PEAK1: variants seen among roughly 807,000 people sequenced by gnomAD.
PEAK1 encodes the protein pseudopodium enriched atypical kinase 1, also known as inactive tyrosine-protein kinase PEAK1.
A neutral mutation model predicts 124.7 loss-of-function variants in PEAK1; 54 were observed. That is an observed-to-expected ratio of 0.43 (90% confidence interval 0.35 to 0.54). PEAK1 has a LOEUF of 0.54. PEAK1 is among the 20% of genes least tolerant of loss of function. The pLI is 0.01. For missense variants in PEAK1, 2,046 were observed against 2,134.5 expected, an observed-to-expected ratio of 0.96 and a Z score of 0.82; for synonymous variants, 719 against 760.0, an observed-to-expected ratio of 0.95 and a Z score of 0.89.
At chr15:77,252,183 G>C (rs904973997) in intron 6 of PEAK1, among the ~76,000 whole-genome samples, 184 bp downstream of exon 6, 1 of 152,108 alleles carries the variant, frequency 6.6e-6, no homozygotes, top group Non-Finnish European at 1.5e-5. Flanking sequence ...TTTATAACTA[G>C]GGGAAAAAAT....
intron 2 of PEAK1, among the ~76,000 whole-genome samples, chr15:77,351,286 G>A (rs143662133): frequency 6.6e-6 from 1 of 152,308 alleles, no homozygotes; most frequent in African/African-American, 2.4e-5. Context: ...GGATGTGACA[G>A]ACCCACAGCC....
chr15:77,243,219 A>G (rs2060435216), intron 6 of PEAK1, among the ~76,000 whole-genome samples: 1 of 152,242 alleles, frequency 6.6e-6, no homozygotes. Context: ...CAAATATACT[A>G]AAGCAGGAGC....
chr15:77,203,245 G>A (rs1365684693), intron 6 of PEAK1, among the ~76,000 whole-genome samples: 2 of 151,894 alleles, frequency 1.3e-5, no homozygotes, highest in East Asian at 3.9e-4. Context: ...GGCACTCACA[G>A]CATAACTTTT....
At position 77,179,463 on chromosome 15, in the gene PEAK1, TAA is replaced by T; in HGVS notation, c.2462_2463del (p.Phe821TyrfsTer5). 1.9e-6 allele frequency: 3 copies of T among 1,614,096 alleles called. No homozygotes were observed. The highest frequency in any genetic ancestry group is 2.5e-6 in the Non-Finnish European group (3 of 1,180,012). On this transcript the variant is annotated frameshift_variant, in exon 7 of 10. Coordinates refer to ENST00000682557, the MANE Select transcript of PEAK1 (RefSeq NM_001385026.1). LOFTEE classifies it high-confidence loss of function. ...KSTPVRPKSLFTSQPSGEAEA... is the reference protein window; with the variant it reads ...KSTPVRPKSLXTSQPSGEAEA... ...TCAGCCTCACCACTAGGCTGAGATG[TAA>T]AGAGAGATTTGGGCCGGACTGGCGT...
intron 2 of PEAK1, among the ~76,000 whole-genome samples, chr15:77,288,655 C>T (rs926571415): frequency 6.6e-6 from 1 of 152,114 alleles, no homozygotes; most frequent in African/African-American, 2.4e-5. Flanking sequence ...AAAAGTATTT[C>T]AATGAGGCTG....
At chr15:77,325,381 CTG>C in intron 2 of PEAK1, among the ~76,000 whole-genome samples, 1 of 151,712 alleles carries the variant, frequency 6.6e-6, no homozygotes, top group Non-Finnish European at 1.5e-5. Flanking sequence ...GCACTCCAGT[CTG>C]TGTGACAGAG....
At chr15:77,360,135 TC>T (rs777588647) in intron 2 of PEAK1, among the ~76,000 whole-genome samples, 2 of 152,198 alleles carry the variant, frequency 1.3e-5, no homozygotes, top group Non-Finnish European at 2.9e-5. Flanking sequence ...CAATTTGTTT[TC>T]TTTAAGGGTG....
chr15:77,263,647 T>A (rs1448615015), intron 5 of PEAK1, among the ~76,000 whole-genome samples: 2 of 152,144 alleles, frequency 1.3e-5, no homozygotes, highest in Non-Finnish European at 2.9e-5. Context: ...CAGGACCAGA[T>A]GGATTCACAG....
chr15:77,413,443 T>C (rs2072579214), intron 1 of PEAK1, among the ~76,000 whole-genome samples: 1 of 152,184 alleles, frequency 6.6e-6, no homozygotes, highest in South Asian at 2.1e-4. Flanking sequence ...GCACCTCCTG[T>C]ATGAAATAAT....
intron 8 of PEAK1, among the ~76,000 whole-genome samples, chr15:77,149,392 A>G (rs1429259943): frequency 6.6e-6 from 1 of 152,238 alleles, no homozygotes; most frequent in Admixed American, 6.5e-5. Context: ...GTTCTGGAAT[A>G]TTTAAAAGGA....
rs1321565588 is a variant in PEAK1, at chr15:77,289,995, G to A, written c.-602-3491C>T. On this transcript the variant is annotated intron_variant, in intron 2 of 9. Coordinates refer to ENST00000682557, the MANE Select transcript of PEAK1 (RefSeq NM_001385026.1). ...ATTACTCTTTTTTTTTTGAGACGGA[G>A]TCTCATTCTGTTGCCCAAGCTGAAG... Among the ~76,000 whole-genome samples, 4 of 152,084 alleles carry A rather than the reference G, an allele frequency of 2.6e-5. No individual in the cohort carries two copies. In the East Asian group the frequency reaches 5.8e-4, roughly 22 times the overall value.
At chr15:77,106,873 T>G (rs560371517), downstream of PEAK1, 1 of 152,318 alleles carries the variant, frequency 6.6e-6, no homozygotes, top group East Asian at 1.9e-4. Context: ...CCTTCGCTAT[T>G]TTGTCATGCT....
rs573161661 is a variant in PEAK1, at chr15:77,299,873, T to G, written c.-602-13369A>C. 1.4e-4 allele frequency among the ~76,000 whole-genome samples: 22 copies of G among 152,340 alleles called. No homozygotes were observed. In the South Asian group the frequency reaches 3.3e-3, roughly 23 times the overall value. Reference sequence around the variant, plus strand: ...TCCCCACTAATTTATTAGATCACTGTGGTCTCATGAGTTCCTATTTTATTC... The same window carrying G: ...TCCCCACTAATTTATTAGATCACTGGGGTCTCATGAGTTCCTATTTTATTC... On this transcript the variant is annotated intron_variant, in intron 2 of 9. Transcript: ENST00000682557.
intron 7 of PEAK1, among the ~76,000 whole-genome samples, chr15:77,174,672 T>C (rs2056733572): frequency 6.6e-6 from 1 of 152,088 alleles, no homozygotes. Context: ...AAGTTTAATA[T>C]CTCCCAAGGT....
At chr15:77,327,184 A>G (rs1433127918) in intron 2 of PEAK1, among the ~76,000 whole-genome samples, 2 of 152,140 alleles carry the variant, frequency 1.3e-5, no homozygotes, top group Non-Finnish European at 2.9e-5. Flanking sequence ...TTTCATACTA[A>G]AAAGTATTCC....
At chr15:77,346,182 AC>A in intron 2 of PEAK1, 1 of 971,878 alleles carries the variant, frequency 1.0e-6, no homozygotes. Flanking sequence ...TATTAAATCT[AC>A]CCTTTTGGCA....
At chr15:77,397,871 C>T (rs899553584) in intron 1 of PEAK1, among the ~76,000 whole-genome samples, 3 of 151,904 alleles carry the variant, frequency 2.0e-5, no homozygotes, top group Non-Finnish European at 2.9e-5. Context: ...ACCAGCCTGA[C>T]CAACATGGAC....
Position 77,180,923 on chromosome 15 carries a change from C to G in PEAK1, c.1004G>C (p.Ser335Thr), listed in dbSNP as rs768266106. The change falls in exon 7 of 10, where the codon AGC (serine) becomes ACC (threonine). Residue 335 changes from serine (S) to threonine (T), a missense_variant. Coordinates refer to ENST00000682557, the MANE Select transcript of PEAK1 (RefSeq NM_001385026.1). ...TGATGTGGAGTCAGATGACACCATG[C>G]TCTGAATGCTTCCTTGTCCATAAGA... is the stretch of plus-strand genomic sequence containing the variant. ...VVSYGQGSIQ[S>T]MVSSDSTSPD... The G allele has an allele frequency of 6.2e-7, 1 of 1,614,080 alleles. No individual in the cohort carries two copies. Among genetic ancestry groups the G allele is most frequent in the Admixed American group, 1.7e-5 (1 of 60,018 alleles).
chr15:77,169,922 GT>G (rs2056390015), intron 7 of PEAK1, among the ~76,000 whole-genome samples: 1 of 152,086 alleles, frequency 6.6e-6, no homozygotes, highest in African/African-American at 2.4e-5. Flanking sequence ...TAAGAGTTCT[GT>G]TTTGGATATG....
Sources: gnomAD v4.1 joint callset for allele counts (sites outside exome capture counted in the v4.1 genomes callset) on GRCh38, gnomAD v4.1.1 for gene constraint, MANE v1.5 for transcripts, NCBI Gene and HGNC (gene_info 2026-07-23, HGNC 2026-07-21) for gene names.